The following DOCK1 variants were observed in gnomAD, a reference collection of about 807,000 sequenced individuals.
DOCK1 encodes dedicator of cytokinesis 1.
DOCK1 carries 138 observed loss-of-function variants against 262.7 expected under a neutral mutation model. The ratio of observed to expected loss-of-function variants is 0.53; its 90% CI spans 0.46 to 0.61. The LOEUF (loss-of-function observed/expected upper bound fraction) is 0.61. DOCK1 is among the 20% of genes least tolerant of loss of function. The pLI is 0.00. For missense variants in DOCK1, 1,908 were observed against 2,370.7 expected (o/e 0.80, Z 4.05); for synonymous variants, 866 against 867.4 (o/e 1.00, Z 0.03).
intron 23 of DOCK1, among the ~76,000 whole-genome samples, chr10:127,085,510 A>G (rs537125899): frequency 6.6e-6 from 1 of 152,308 alleles, no homozygotes; most frequent in South Asian, 2.1e-4. Context: ...CTGTAATCCC[A>G]GCACTTTGGG....
At chr10:127,303,239 A>G (rs1032745210) in intron 29 of DOCK1, among the ~76,000 whole-genome samples, 9 of 152,188 alleles carry the variant, frequency 5.9e-5, no homozygotes, top group African/African-American at 1.9e-4. Flanking sequence ...GGACACCTCA[A>G]GGATAGGAGG....
At chr10:126,969,840 C>T (rs577996674) in intron 1 of DOCK1, among the ~76,000 whole-genome samples, 1 of 152,228 alleles carries the variant, frequency 6.6e-6, no homozygotes, top group South Asian at 2.1e-4. Flanking sequence ...TAGAGGTGTG[C>T]CACAATGCAG....
At chr10:127,447,233 G>C (rs946563415) in intron 50 of DOCK1, among the ~76,000 whole-genome samples, 161 bp from the exon 51 acceptor site, 10 of 152,110 alleles carry the variant, frequency 6.6e-5, no homozygotes, top group African/African-American at 2.2e-4. Context: ...CTTTGTGTTC[G>C]CTCCCTCCCT....
chr10:127,434,988 T>C (rs1260346673), intron 48 of DOCK1, among the ~76,000 whole-genome samples: 2 of 152,198 alleles, frequency 1.3e-5, no homozygotes, highest in Admixed American at 6.5e-5. Context: ...TTGACTATTC[T>C]AAATACTCAT....
At chr10:127,042,543 A>C in intron 19 of DOCK1, 82 bp from the exon 20 acceptor site, 4 of 1,217,248 alleles carry the variant, frequency 3.3e-6, no homozygotes, top group Non-Finnish European at 4.9e-6. Context: ...TATTTGGAGT[A>C]CTGCAGAGAT....
chr10:126,942,184 C>T (rs930965076), intron 1 of DOCK1, among the ~76,000 whole-genome samples: 17 of 152,142 alleles, frequency 1.1e-4, no homozygotes, highest in South Asian at 6.2e-4. Context: ...CCACCACGCC[C>T]GGCTAATTTT....
chr10:127,019,942 T>C (rs1453679906), intron 13 of DOCK1, among the ~76,000 whole-genome samples: 2 of 152,176 alleles, frequency 1.3e-5, no homozygotes, highest in Non-Finnish European at 2.9e-5. Context: ...GTGGTGGCTA[T>C]TCAGGGTGCA....
chr10:127,077,106 C>T (rs1280408745), intron 23 of DOCK1, among the ~76,000 whole-genome samples: 1 of 152,106 alleles, frequency 6.6e-6, no homozygotes, highest in Non-Finnish European at 1.5e-5. Context: ...TAAGTTCTTA[C>T]TACGAGGGCC....
intron 27 of DOCK1, among the ~76,000 whole-genome samples, chr10:127,157,104 A>C (rs939996273): frequency 1.3e-5 from 2 of 152,188 alleles, no homozygotes; most frequent in South Asian, 4.1e-4. Context: ...AAATGAGCGA[A>C]CGGTTAATTT....
At chr10:127,247,904 T>TG (rs2059485347) in intron 27 of DOCK1, 104 bp from the exon 28 acceptor site, 1 of 1,102,208 alleles carries the variant, frequency 9.1e-7, no homozygotes, top group Non-Finnish European at 1.3e-6. Flanking sequence ...CATGCCCCGT[T>TG]GCTTCTCCCT....
chr10:127,037,690 A>G, intron 18 of DOCK1, 29 bp from the exon 19 acceptor site: 1 of 1,543,040 alleles, frequency 6.5e-7, no homozygotes, highest in South Asian at 1.2e-5. Context: ...CTTGCTTGTG[A>G]AGATCTGATT....
Position 126,987,582 on chromosome 10 carries a change from C to A in DOCK1, c.289C>A (p.Arg97=), listed in dbSNP as rs1271816524. ...PLIQEVTTTL[R]EWSTIWRQLY... is the part of the protein sequence containing the mutation. ...CATCCAGGAAGTCACCACGACACTC[C>A]GAGAGTGGTCCACCATCTGGAGGCA... Residue 97 remains arginine (R), a synonymous_variant, in exon 5 of 52, where the codon CGA becomes AGA. Transcript: ENST00000623213. 2.5e-6 allele frequency: 4 copies of A among 1,572,264 alleles called. No individual in the cohort carries two copies. The highest frequency in any genetic ancestry group is 3.5e-6 in the Non-Finnish European group (4 of 1,158,418).
chr10:126,948,507 C>G (rs1449941172), intron 1 of DOCK1, among the ~76,000 whole-genome samples: 1 of 151,768 alleles, frequency 6.6e-6, no homozygotes, highest in Non-Finnish European at 1.5e-5. Context: ...GTAATACTGT[C>G]CAGCCGGGCC....
At chr10:127,339,830 C>T (rs2063356789) in intron 30 of DOCK1, among the ~76,000 whole-genome samples, 1 of 151,448 alleles carries the variant, frequency 6.6e-6, no homozygotes, top group East Asian at 2.0e-4. Context: ...TGTGTTTCTG[C>T]TAATAATGAT....
At chr10:127,415,293 T>C in intron 44 of DOCK1, 55 bp downstream of exon 44, 1 of 1,547,648 alleles carries the variant, frequency 6.5e-7, no homozygotes, top group South Asian at 1.2e-5. Flanking sequence ...CAATACAGTC[T>C]GCCACGCCTT....
intron 1 of DOCK1, among the ~76,000 whole-genome samples, chr10:126,930,880 G>A (rs1256403301): frequency 2.0e-5 from 3 of 152,156 alleles, no homozygotes; most frequent in Non-Finnish European, 4.4e-5. Context: ...GACATCAGGT[G>A]GTTTCTGACA....
At chr10:126,987,363 C>T (rs946442383) in intron 4 of DOCK1, among the ~76,000 whole-genome samples, 158 bp from the exon 5 acceptor site, 1 of 152,074 alleles carries the variant, frequency 6.6e-6, no homozygotes, top group Non-Finnish European at 1.5e-5. Flanking sequence ...TTCGTAGAGA[C>T]GTATGTATTT....
At chr10:127,105,415 G>T (rs1432228061) in intron 23 of DOCK1, among the ~76,000 whole-genome samples, 1 of 152,116 alleles carries the variant, frequency 6.6e-6, no homozygotes, top group African/African-American at 2.4e-5. Flanking sequence ...TTTTCTAGAA[G>T]ATACATTACT....
chr10:126,941,168 C>T lies in DOCK1; in HGVS notation c.47-29534C>T, dbSNP rs987116310. ...CGTGCAGTGTTACCAGAGGGCATTT[C>T]AGCTGTTTAAACTCCCAGAAAGTGT... On this transcript the variant is annotated intron_variant, in intron 1 of 51. Coordinates refer to ENST00000623213, the MANE Select transcript of DOCK1 (RefSeq NM_001290223.2). 5.9e-3 allele frequency among the ~76,000 whole-genome samples: 897 copies of T among 152,248 alleles called. 12 individuals carry two copies. The highest frequency in any genetic ancestry group is 0.021 in the African/African-American group (857 of 41,536).
Sources: gnomAD v4.1 joint callset for allele counts (sites outside exome capture counted in the v4.1 genomes callset) on GRCh38, gnomAD v4.1.1 for gene constraint, MANE v1.5 for transcripts, NCBI Gene and HGNC (gene_info 2026-07-23, HGNC 2026-07-21) for gene names.